Variants in SEMA6D observed in about 807,000 individuals in gnomAD.
SEMA6D encodes semaphorin 6D, also known as semaphorin-6D.
A neutral mutation model predicts 106.6 loss-of-function variants in SEMA6D; 35 were observed. That is an observed-to-expected ratio of 0.33 (90% CI 0.25 to 0.44). The LOEUF (loss-of-function observed/expected upper bound fraction) is 0.44, where lower values mean the gene tolerates loss of function less well. SEMA6D is among the 20% of genes least tolerant of loss of function. SEMA6D has a pLI of 1.00. For synonymous variants in SEMA6D, 499 were observed against 487.7 expected, an observed-to-expected ratio of 1.02 and a Z score of -0.31; for missense variants, 1,185 against 1,345.9, an observed-to-expected ratio of 0.88 and a Z score of 1.87.
At chr15:47,300,618 T>C (rs2035984065) in intron 1 of SEMA6D, among the ~76,000 whole-genome samples, 1 of 152,224 alleles carries the variant, frequency 6.6e-6, no homozygotes, top group Non-Finnish European at 1.5e-5. Flanking sequence ...CCTTTGAGGC[T>C]CCCATTCTGG....
intron 1 of SEMA6D, among the ~76,000 whole-genome samples, chr15:47,278,017 G>A (rs1299095664): frequency 2.0e-5 from 3 of 151,824 alleles, no homozygotes; most frequent in Non-Finnish European, 4.4e-5. Context: ...TATCATTGTT[G>A]GACATTTGGG....
intron 1 of SEMA6D, among the ~76,000 whole-genome samples, chr15:47,290,091 C>G (rs78142733): frequency 0.024 from 3,678 of 152,268 alleles, 63 homozygotes; most frequent in Middle Eastern, 0.054. Context: ...AGCATACTGC[C>G]TATGGGACAG....
intron 3 of SEMA6D, among the ~76,000 whole-genome samples, chr15:47,576,348 G>A (rs2076156340): frequency 1.3e-5 from 2 of 152,336 alleles, no homozygotes; most frequent in East Asian, 1.9e-4. Context: ...GTACTTGGGA[G>A]TGGGGGCTAG....
intron 3 of SEMA6D, among the ~76,000 whole-genome samples, chr15:47,494,178 G>A (rs1567119225): frequency 6.6e-6 from 1 of 152,016 alleles, no homozygotes; most frequent in Non-Finnish European, 1.5e-5. Context: ...ACATCATCTT[G>A]GTGTCACCCT....
chr15:47,550,473 A>G (rs1287424507), intron 3 of SEMA6D, among the ~76,000 whole-genome samples: 1 of 152,170 alleles, frequency 6.6e-6, no homozygotes, highest in East Asian at 1.9e-4. Context: ...TGGATAGAAC[A>G]ACACCTTTTT....
intron 3 of SEMA6D, among the ~76,000 whole-genome samples, chr15:47,500,199 A>G (rs538978124): frequency 2.6e-5 from 4 of 152,170 alleles, no homozygotes; most frequent in Non-Finnish European, 4.4e-5. Context: ...TCTGTTTAAC[A>G]GACACTTCCT....
chr15:47,754,293 C>G (rs370303734), intron 1 of SEMA6D, among the ~76,000 whole-genome samples: 14 of 152,196 alleles, frequency 9.2e-5, no homozygotes, highest in East Asian at 3.9e-4. Flanking sequence ...CTATAAATTC[C>G]CCTGCCTAAA....
intron 2 of SEMA6D, among the ~76,000 whole-genome samples, chr15:47,434,371 T>C (rs879851692): frequency 7.9e-5 from 12 of 152,012 alleles, no homozygotes; most frequent in Non-Finnish European, 1.5e-4. Flanking sequence ...AGGTTGATGG[T>C]GATACAGAAT....
At position 47,335,049 on chromosome 15, in the gene SEMA6D, C is replaced by T. The variant is rs566791113; in HGVS notation, c.-238-77344C>T. 4.6e-5 allele frequency among the ~76,000 whole-genome samples: 7 copies of T among 152,112 alleles called. No individual in the cohort carries two copies. The South Asian group carries it at 1.2e-3, about 27-fold the overall frequency. On this transcript the variant is annotated intron_variant, in intron 1 of 19. Coordinates refer to the SEMA6D transcript ENST00000558014. ...CTAGCCTGAAATCTACCCACAAAGG[C>T]GAAAATTATGTCAAGGCAACAGAAA...
rs978373909 is a variant in SEMA6D at position 47,635,016 on chromosome 15, A to T, written c.-55+34120A>T. On this transcript the variant is annotated intron_variant, in intron 4 of 19. Coordinates refer to the SEMA6D transcript ENST00000558014. ...TTTGGAGCTTTTCAGTCAATAACAG[A>T]TAGTACATCCAAGATGGAGCCTTCT... 2.6e-5 allele frequency among the ~76,000 whole-genome samples: 4 copies of T among 152,166 alleles called. No individual in the cohort carries two copies. The East Asian group carries it at 7.7e-4, about 29-fold the overall frequency.
intron 3 of SEMA6D, among the ~76,000 whole-genome samples, chr15:47,502,748 C>T (rs2043896756): frequency 6.6e-6 from 1 of 152,130 alleles, no homozygotes; most frequent in African/African-American, 2.4e-5. Flanking sequence ...TTGACTCTAC[C>T]TCCATGTATT....
intron 1 of SEMA6D, among the ~76,000 whole-genome samples, chr15:47,717,930 G>T (rs1026669427): frequency 5.7e-4 from 87 of 151,486 alleles, no homozygotes; most frequent in African/African-American, 1.9e-3. Flanking sequence ...TGCCTGCCGT[G>T]CAAGGGACGC....
intron 2 of SEMA6D, among the ~76,000 whole-genome samples, chr15:47,455,218 G>A (rs575857348): frequency 8.8e-4 from 134 of 151,826 alleles, no homozygotes; most frequent in African/African-American, 3.1e-3. Context: ...CAGGACAATT[G>A]GAAAGGCACT....
chr15:47,615,644 A>C (rs998905522), intron 4 of SEMA6D, among the ~76,000 whole-genome samples: 5 of 152,224 alleles, frequency 3.3e-5, no homozygotes, highest in African/African-American at 1.2e-4. Context: ...ACGAATTCTA[A>C]TGTATTTGAA....
chr15:47,219,821 T>A (rs186896836), intron 1 of SEMA6D, among the ~76,000 whole-genome samples: 1 of 152,324 alleles, frequency 6.6e-6, no homozygotes, highest in East Asian at 1.9e-4. Context: ...CTACTTTTTC[T>A]GGTCTTGGCT....
At chr15:47,529,958 A>G (rs1165218219) in intron 3 of SEMA6D, among the ~76,000 whole-genome samples, 1 of 152,214 alleles carries the variant, frequency 6.6e-6, no homozygotes, top group African/African-American at 2.4e-5. Context: ...TAATAGTCGC[A>G]GTCTGAAATG....
chr15:47,694,466 T>G (rs1283531808), intron 4 of SEMA6D, among the ~76,000 whole-genome samples: 1 of 151,974 alleles, frequency 6.6e-6, no homozygotes, highest in East Asian at 1.9e-4. Context: ...AACCATACAT[T>G]TAGAAAAAAA....
At chr15:47,447,232 A>G (rs937000272) in intron 2 of SEMA6D, among the ~76,000 whole-genome samples, 1 of 152,060 alleles carries the variant, frequency 6.6e-6, no homozygotes, top group African/African-American at 2.4e-5. Flanking sequence ...GGAATCTTCA[A>G]AGTGGTAGGT....
rs191782542 is a variant in SEMA6D at position 47,489,675 on chromosome 15, G to A, written c.-87+19130G>A. 1.7e-3 allele frequency among the ~76,000 whole-genome samples: 261 copies of A among 151,076 alleles called. 1 individual carries two copies. The highest frequency in any genetic ancestry group is 3.4e-3 in the Middle Eastern group (1 of 294). On this transcript the variant is annotated intron_variant, in intron 3 of 19. Transcript: ENST00000558014. ...CTTGCACATTTTTTTTTTTTGAGAC[G>A]GAGTCTTGCTCTCTTGCCCAGGCTG...
Sources: allele counts gnomAD v4.1 joint callset (sites outside exome capture counted in the v4.1 genomes callset), GRCh38; gene constraint gnomAD v4.1.1; transcripts MANE v1.5; gene names NCBI Gene and HGNC (gene_info 2026-07-23, HGNC 2026-07-21).